The following GNG4 variants were observed in gnomAD, a reference collection of about 807,000 sequenced individuals.
GNG4 encodes the protein G protein subunit gamma 4, also known as guanine nucleotide-binding protein G(I)/G(S)/G(O) subunit gamma-4.
In GNG4, 4 loss-of-function variants were observed where a neutral mutation model predicts 5.8. The ratio of observed to expected loss-of-function variants is 0.69; its 90% confidence interval spans 0.34 to 1.57. GNG4 has a LOEUF of 1.57. Among genes scored for constraint, GNG4 ranks in the 40% most tolerant of loss-of-function variants. The pLI is 0.06. For synonymous variants in GNG4, 29 were observed against 32.9 expected (o/e 0.88, Z 0.41); for missense variants, 96 against 95.1 (o/e 1.01, Z -0.04).
intron 1 of GNG4, among the ~76,000 whole-genome samples, chr1:235,626,958 C>CAAAAAAAAAAAAAAA (rs776506587): frequency 5.2e-5 from 4 of 77,394 alleles, no homozygotes; most frequent in Non-Finnish European, 9.9e-5. Flanking sequence ...GACTCTATCT[C>CAAAAAAAAAAAAAAA]AAAAAAAAAA....
At position 235,583,753 on chromosome 1, in the gene GNG4, A is replaced by G. The variant is rs111692861; in HGVS notation, c.86T>C (p.Met29Thr). Reference sequence around the variant, plus strand: ...ATGCATGCTTACCTTGACCCTGTCCATACAGGCTTCCATCTTTAGCTGCTC... The same window carrying G: ...ATGCATGCTTACCTTGACCCTGTCCGTACAGGCTTCCATCTTTAGCTGCTC... ...AVEQLKMEAC[M>T]DRVKVSQAAA... Residue 29 changes from methionine (M) to threonine (T), a missense_variant, in exon 3 of 4, where the codon ATG (methionine) becomes ACG (threonine). By Grantham distance (81) the Met-to-Thr change is moderately conservative (BLOSUM62 -1). Transcript: ENST00000391854. The G allele has an allele frequency of 5.5e-5, 89 of 1,611,410 alleles. No individual in the cohort carries two copies. The highest frequency in any genetic ancestry group is 7.1e-5 in the Non-Finnish European group (84 of 1,177,656).
intron 3 of GNG4, among the ~76,000 whole-genome samples, chr1:235,581,616 T>G (rs554952072): frequency 1.0e-3 from 153 of 152,102 alleles, no homozygotes; most frequent in Non-Finnish European, 1.6e-3. Context: ...GCCATGATTT[T>G]CAATTTCCTG....
chr1:235,594,670 G>A (rs888795264), intron 2 of GNG4, among the ~76,000 whole-genome samples: 11 of 152,172 alleles, frequency 7.2e-5, no homozygotes, highest in Admixed American at 2.0e-4. Context: ...CGGGCCGGCC[G>A]CTCCCAGTGC....
chr1:235,569,436 T>G (rs1571882497), intron 3 of GNG4, among the ~76,000 whole-genome samples: 1 of 142,728 alleles, frequency 7.0e-6, no homozygotes, highest in African/African-American at 2.6e-5. Context: ...CCAGCCTGGG[T>G]GACAGAGGGA....
At chr1:235,593,631 C>T (rs141983613) in intron 2 of GNG4, among the ~76,000 whole-genome samples, 7 of 152,274 alleles carry the variant, frequency 4.6e-5, no homozygotes, top group African/African-American at 1.2e-4. Flanking sequence ...CCGGAGTTTG[C>T]TACTGCTGAT....
At position 235,644,981 on chromosome 1, in the gene GNG4, G is replaced by C. The variant is rs575567258; in HGVS notation, c.-123+4681C>G. Among the ~76,000 whole-genome samples, 1 of 152,178 alleles carries C rather than the reference G, an allele frequency of 6.6e-6. No individual in the cohort carries two copies. The highest frequency in any genetic ancestry group is 1.5e-5 in the Non-Finnish European group (1 of 68,014). ...ACTCCGTCCACATGGGCCCCGGGCC[G>C]CCAGAGACCCCAGGGCCCACGTGGA... On this transcript the variant is annotated intron_variant, in intron 1 of 3. Transcript: ENST00000391854. This position sits in a 1 kb window ranked among gnomAD's most constrained non-coding sequence, Gnocchi z 5.9.
chr1:235,599,762 G>C (rs1182425672), intron 1 of GNG4, among the ~76,000 whole-genome samples: 1 of 152,176 alleles, frequency 6.6e-6, no homozygotes, highest in Non-Finnish European at 1.5e-5. Flanking sequence ...AACAGTGGTG[G>C]ACAGCAGAGG....
chr1:235,630,774 T>C (rs757638554), intron 1 of GNG4, among the ~76,000 whole-genome samples: 1 of 152,170 alleles, frequency 6.6e-6, no homozygotes, highest in Non-Finnish European at 1.5e-5. Context: ...ATCAATTGGG[T>C]GGCCAGAGGC....
chr1:235,595,560 A>G (rs1022255256), intron 1 of GNG4, 49 bp from the exon 2 acceptor site: 2 of 152,222 alleles, frequency 1.3e-5, no homozygotes, highest in Non-Finnish European at 2.9e-5. Flanking sequence ...ACTCCCTGGC[A>G]TTGCTCCCAG....
intron 1 of GNG4, among the ~76,000 whole-genome samples, chr1:235,637,015 C>T (rs1363832961): frequency 1.3e-5 from 2 of 151,104 alleles, no homozygotes; most frequent in East Asian, 3.9e-4. Flanking sequence ...TCCCTGCCTC[C>T]CCACTGCACT....
chr1:235,642,884 C>T lies in GNG4; in HGVS notation c.-123+6778G>A, dbSNP rs1000231857. 6.6e-6 allele frequency among the ~76,000 whole-genome samples: 1 copy of T among 152,092 alleles called. No homozygotes were observed. Among genetic ancestry groups the T allele is most frequent in the Non-Finnish European group, 1.5e-5 (1 of 68,012 alleles). On this transcript the variant is annotated intron_variant, in intron 1 of 3. Transcript: ENST00000391854. The surrounding 1 kb of genome is among the most constrained non-coding windows in gnomAD (Gnocchi z 4.3). ...TCACCTCCTGACTTGGCAAGTCATA[C>T]ACCCTCTCTCTACTTGCCCAGCTTC...
chr1:235,598,756 C>T (rs1185506557), intron 1 of GNG4, among the ~76,000 whole-genome samples: 1 of 149,070 alleles, frequency 6.7e-6, no homozygotes, highest in South Asian at 2.1e-4. Context: ...GAGACAGGCT[C>T]ACTCTGTTGC....
intron 2 of GNG4, among the ~76,000 whole-genome samples, chr1:235,587,096 G>A (rs554917172): frequency 6.6e-6 from 1 of 151,856 alleles, no homozygotes; most frequent in Non-Finnish European, 1.5e-5. Flanking sequence ...AGGAGGGGAG[G>A]GCTCTGCACT....
intron 1 of GNG4, among the ~76,000 whole-genome samples, chr1:235,639,796 C>T (rs1314080220): frequency 1.3e-5 from 2 of 152,210 alleles, no homozygotes; most frequent in African/African-American, 4.8e-5. Flanking sequence ...CGTGAGCCAC[C>T]GTGCCCCGCT....
chr1:235,566,399 T>C (rs1687198355), intron 3 of GNG4, among the ~76,000 whole-genome samples: 1 of 152,182 alleles, frequency 6.6e-6, no homozygotes, highest in African/African-American at 2.4e-5. Flanking sequence ...GCAAGGAATC[T>C]AGCTTGCATG....
At chr1:235,583,148 C>T (rs914003) in intron 3 of GNG4, among the ~76,000 whole-genome samples, 163 of 152,340 alleles carry the variant, frequency 1.1e-3, no homozygotes, top group Non-Finnish European at 1.9e-3. Context: ...CTCACGGACT[C>T]GTTCAGAGCC....
chr1:235,562,019 G>T (rs1687074974), intron 3 of GNG4, among the ~76,000 whole-genome samples: 1 of 152,126 alleles, frequency 6.6e-6, no homozygotes, highest in Non-Finnish European at 1.5e-5. Flanking sequence ...TTCATTTTCT[G>T]CATGTGGATG....
At chr1:235,575,128 A>G (rs1033647091) in intron 3 of GNG4, among the ~76,000 whole-genome samples, 2 of 152,064 alleles carry the variant, frequency 1.3e-5, no homozygotes, top group Non-Finnish European at 2.9e-5. Context: ...CCTCGCCACA[A>G]TCTCTTTTCT....
At chr1:235,572,622 C>A (rs941243987) in intron 3 of GNG4, among the ~76,000 whole-genome samples, 1 of 151,868 alleles carries the variant, frequency 6.6e-6, no homozygotes, top group African/African-American at 2.4e-5. Context: ...ATGCCTCAGC[C>A]CCCTGAGAAG....
Sources: gnomAD v4.1 joint callset for allele counts (sites outside exome capture counted in the v4.1 genomes callset) on GRCh38, gnomAD v4.1.1 for gene constraint, Gnocchi (gnomAD v3.1) non-coding constraint, MANE v1.5 for transcripts, NCBI Gene and HGNC (gene_info 2026-07-23, HGNC 2026-07-21) for gene names.